The following GCKR variants were observed in gnomAD, a reference collection of about 807,000 sequenced individuals.
The protein encoded by GCKR is glucokinase regulator, also known as glucokinase regulatory protein.
Under a neutral mutation model 82.9 loss-of-function variants are expected in GCKR, and 73 were observed. The ratio of observed to expected loss-of-function variants is 0.88; its 90% CI spans 0.73 to 1.07. The LOEUF is 1.07. Among genes scored for constraint, GCKR ranks in the 50% least tolerant of loss-of-function variants. GCKR has a pLI of 0.00. For synonymous variants in GCKR, 294 were observed against 291.8 expected (o/e 1.01, Z -0.08); for missense variants, 784 against 782.1 (o/e 1.00, Z -0.03).
intron 5 of GCKR, 98 bp from the exon 6 acceptor site, chr2:27,499,044 T>C (rs1374860125): frequency 2.5e-6 from 2 of 801,660 alleles, no homozygotes; most frequent in African/African-American, 3.4e-5. Flanking sequence ...TCAATGATAG[T>C]TTTCCCTTTA....
chr2:27,506,358 C>T, intron 10 of GCKR, 123 bp from the exon 11 acceptor site: 2 of 754,104 alleles, frequency 2.7e-6, no homozygotes, highest in South Asian at 2.9e-5. Flanking sequence ...CTCTGCACCT[C>T]TCCAGGGACC....
chr2:27,515,370 G>A (rs904505780), intron 16 of GCKR, among the ~76,000 whole-genome samples: 5 of 151,978 alleles, frequency 3.3e-5, no homozygotes, highest in African/African-American at 1.2e-4. Flanking sequence ...CAACTTCCTG[G>A]GCTCTGGTGA....
intron 16 of GCKR, among the ~76,000 whole-genome samples, 177 bp from the exon 17 acceptor site, chr2:27,518,611 T>G (rs1048176761): frequency 3.3e-5 from 5 of 152,166 alleles, no homozygotes; most frequent in African/African-American, 1.2e-4. Flanking sequence ...CCTGAGACAA[T>G]CCTGGTTTAC....
In GCKR at chr2:27,497,344, G is replaced by A. The variant is rs1282599386; in HGVS notation, c.161G>A (p.Gly54Glu). ...GCTGAGAACATTGTTCGACTGCTAG[G>A]GCAATGTGATGCTGAGATCTTCCAG... is the stretch of plus-strand genomic sequence containing the variant. The part of the protein sequence containing the change: ...ADAENIVRLL[G>E]QCDAEIFQEE... The change falls in exon 2 of 19, where the codon GGG becomes GAG. Residue 54 changes from glycine to glutamate, a missense_variant. Gly to Glu is a moderately conservative substitution (Grantham distance 98). Transcript: ENST00000264717. The A allele has an allele frequency of 3.1e-6, 5 of 1,614,030 alleles. No individual in the cohort carries two copies. The highest frequency in any genetic ancestry group is 1.1e-5 in the South Asian group (1 of 91,086).
chr2:27,522,783 T>C (rs182347938), intron 18 of GCKR, among the ~76,000 whole-genome samples, 189 bp downstream of exon 18: 2 of 152,324 alleles, frequency 1.3e-5, no homozygotes, highest in Non-Finnish European at 1.5e-5. Context: ...TGAAGGTTTC[T>C]TTCTGCTCTT....
rs142183677 is a variant in GCKR, at chr2:27,508,124, C to A, written c.1339-44C>A. ...GACCCAGGTGGCAGTTGCAGCCAGG[C>A]CTTCCTGGAGATGCCTCTCCTGCTC... On this transcript the variant is annotated intron_variant, in intron 15 of 18. Coordinates refer to ENST00000264717, the MANE Select transcript of GCKR (RefSeq NM_001486.4). 3.7e-4 allele frequency: 577 copies of A among 1,578,812 alleles called. 1 individual carries two copies. In the African/African-American group the frequency reaches 7.0e-3, roughly 19 times the overall value.
chr2:27,518,683 C>A, intron 16 of GCKR, 105 bp from the exon 17 acceptor site: 1 of 934,830 alleles, frequency 1.1e-6, no homozygotes, highest in Non-Finnish European at 1.8e-6. Context: ...CATTTTGGTC[C>A]CTGGTTCTTG....
At chr2:27,522,634 G>A (rs766717971) in intron 18 of GCKR, 40 bp downstream of exon 18, 27 of 1,567,542 alleles carry the variant, frequency 1.7e-5, no homozygotes, top group Non-Finnish European at 2.3e-5. Flanking sequence ...AATACTTTTT[G>A]AGTACTTTCA....
intron 16 of GCKR, among the ~76,000 whole-genome samples, chr2:27,516,915 G>A (rs944688018): frequency 2.6e-5 from 4 of 152,068 alleles, no homozygotes; most frequent in Admixed American, 2.0e-4. Context: ...CTCTTCCAGG[G>A]TTTTGTGTGA....
intron 9 of GCKR, 90 bp from the exon 10 acceptor site, chr2:27,505,628 C>A: frequency 1.3e-6 from 1 of 760,808 alleles, no homozygotes; most frequent in Non-Finnish European, 2.4e-6. Context: ...GCCACTGGTA[C>A]TATCACATGC....
intron 9 of GCKR, among the ~76,000 whole-genome samples, chr2:27,504,413 A>G (rs2148582685): frequency 6.7e-6 from 1 of 149,790 alleles, no homozygotes; most frequent in South Asian, 2.1e-4. Flanking sequence ...GCTGGAATGC[A>G]ATGGCCTGAT....
intron 16 of GCKR, 40 bp from the exon 17 acceptor site, chr2:27,518,748 C>T (rs778227924): frequency 1.9e-6 from 3 of 1,569,248 alleles, no homozygotes; most frequent in Non-Finnish European, 2.6e-6. Context: ...GCTTTTCTGT[C>T]CTCTAATTTT....
chr2:27,501,876 T>C, intron 8 of GCKR: 1 of 393,754 alleles, frequency 2.5e-6, no homozygotes, highest in Non-Finnish European at 5.2e-6. Flanking sequence ...TGGGGAATGT[T>C]ACAAAAAAAT....
At chr2:27,501,097 G>A in intron 7 of GCKR, 38 bp from the exon 8 acceptor site, 1 of 1,366,008 alleles carries the variant, frequency 7.3e-7, no homozygotes, top group Non-Finnish European at 1.0e-6. Context: ...TCAGAGTAAT[G>A]ACCCCCTCAT....
intron 5 of GCKR, 131 bp downstream of exon 5, chr2:27,498,928 T>G: frequency 1.3e-6 from 1 of 740,984 alleles, no homozygotes; most frequent in Non-Finnish European, 2.4e-6. Flanking sequence ...TCCCTCACAC[T>G]TGGCCCACTT....
chr2:27,503,543 C>A lies in GCKR; in HGVS notation c.674C>A (p.Thr225Lys). 1 of 1,607,170 alleles carries A rather than the reference C, an allele frequency of 6.2e-7. No individual in the cohort carries two copies. Among genetic ancestry groups the A allele is most frequent in the Non-Finnish European group, 8.5e-7 (1 of 1,173,662 alleles). ...GACCCCATTGAAGACTGGAGTTCAA[C>A]ATTCCGACAAGTAGCAGAGCGGATG... ...RNDPIEDWSS[T>K]FRQVAERMQK... The change falls in exon 9 of 19, where the codon ACA (threonine) becomes AAA (lysine). Residue 225 changes from threonine (T) to lysine (K), a missense_variant. By Grantham distance (78) the Thr-to-Lys change is moderately conservative (BLOSUM62 -1). Transcript: ENST00000264717.
intron 18 of GCKR, among the ~76,000 whole-genome samples, chr2:27,522,834 A>T (rs763039815): frequency 6.7e-6 from 1 of 149,862 alleles, no homozygotes; most frequent in African/African-American, 2.5e-5. Flanking sequence ...ATAACATCCT[A>T]TTTGCATCTA....
At chr2:27,498,472 T>A in intron 4 of GCKR, 149 bp downstream of exon 4, 1 of 688,888 alleles carries the variant, frequency 1.5e-6, no homozygotes, top group South Asian at 1.7e-5. Flanking sequence ...AAAAGCTAGA[T>A]GTCACCATGA....
chr2:27,521,743 G>T (rs1023472704), intron 17 of GCKR, among the ~76,000 whole-genome samples: 3 of 151,718 alleles, frequency 2.0e-5, no homozygotes, highest in Non-Finnish European at 2.9e-5. Context: ...TTTAGAGACA[G>T]GGTCTCACGC....
Sources: gnomAD v4.1 joint callset for allele counts (sites outside exome capture counted in the v4.1 genomes callset) on GRCh38, gnomAD v4.1.1 for gene constraint, MANE v1.5 for transcripts, NCBI Gene and HGNC (gene_info 2026-07-23, HGNC 2026-07-21) for gene names.